Variants in CUBN observed in about 807,000 individuals in gnomAD.
CUBN encodes the protein cubilin.
In CUBN, 282 loss-of-function variants were observed where a neutral mutation model predicts 405.3. The ratio of observed to expected loss-of-function variants is 0.70; its 90% CI spans 0.63 to 0.77. The LOEUF (loss-of-function observed/expected upper bound fraction) is 0.77. CUBN is among the 30% of genes least tolerant of loss of function. CUBN has a pLI of 0.00. For missense variants in CUBN, 4,514 were observed against 4,475.2 expected (o/e 1.01, Z -0.25); for synonymous variants, 1,684 against 1,617.0 (o/e 1.04, Z -0.99).
At chr10:17,107,549 G>C (rs1836664629) in intron 10 of CUBN, among the ~76,000 whole-genome samples, 1 of 147,906 alleles carries the variant, frequency 6.8e-6, no homozygotes, top group Admixed American at 6.8e-5. Context: ...CCAGGCTGGA[G>C]TGCAGTGGTG....
In CUBN at chr10:16,988,124, G is replaced by A. The variant is rs145510990; in HGVS notation, c.4350+2210C>T. Among the ~76,000 whole-genome samples the A allele has an allele frequency of 2.2e-3, 342 of 152,228 alleles. 3 individuals carry two copies. The highest frequency in any genetic ancestry group is 7.5e-3 in the African/African-American group (312 of 41,534). The stretch of plus-strand genomic sequence containing the variant: ...ACAGCCCCTGTCTCTACTTTCTCCC[G>A]TAATGGGTATGACACAACCCGAAAC... On this transcript the variant is annotated intron_variant, in intron 29 of 66. Transcript: ENST00000377833.
At position 16,950,027 on chromosome 10, in the gene CUBN, C is replaced by T. The variant is rs764100019; in HGVS notation, c.5054G>A (p.Gly1685Asp). The T allele has an allele frequency of 1.9e-6, 3 of 1,613,786 alleles. No homozygotes were observed. The South Asian group carries it at 3.3e-5, about 18-fold the overall frequency. Residue 1685 changes from glycine (G) to aspartate (D), a missense_variant, in exon 34 of 67, where the codon GGC (glycine) becomes GAC (aspartate). Gly to Asp is a moderately conservative substitution (Grantham distance 94, BLOSUM62 -1). Transcript: ENST00000377833. ...TCGGAGGGGCGCGTCTTCGTGGCCG[C>T]CATCCAAAATTTCTACAAAGTCACG... ...CARDFVEILD[G>D]GHEDAPLRGR...
At chr10:16,949,612 T>C (rs576786781) in intron 34 of CUBN, among the ~76,000 whole-genome samples, 2 of 152,124 alleles carry the variant, frequency 1.3e-5, no homozygotes, top group Non-Finnish European at 2.9e-5. Context: ...GCTTTTTTTT[T>C]CGCTTCCACT....
intron 55 of CUBN, among the ~76,000 whole-genome samples, chr10:16,888,891 A>C (rs371234691): frequency 1.3e-5 from 2 of 152,228 alleles, no homozygotes; most frequent in Admixed American, 1.3e-4. Context: ...GTTCATGCAG[A>C]TAAAGAAATA....
chr10:16,898,942 C>T lies in CUBN; in HGVS notation c.8598+54G>A, dbSNP rs912199032. ...GACAATGAATCATTTCTAGCTTAAA[C>T]ACTAATGTTCACAAAACCAACTTGG... On this transcript the variant is annotated intron_variant, in intron 54 of 66. Transcript: ENST00000377833. 3 of 1,261,660 alleles carry T rather than the reference C, an allele frequency of 2.4e-6. No individual in the cohort carries two copies. The African/African-American group carries it at 4.4e-5, about 19-fold the overall frequency. The allele number at this position is 1,261,660 out of a possible 1,614,324, so 78.2% of individuals were successfully genotyped here. A position where few individuals can be genotyped will look rare whatever the true frequency, so the allele number is the denominator to read the frequency against.
intron 59 of CUBN, among the ~76,000 whole-genome samples, chr10:16,859,350 T>C (rs1356526721): frequency 6.6e-6 from 1 of 152,154 alleles, no homozygotes; most frequent in Non-Finnish European, 1.5e-5. Context: ...AATAGATATA[T>C]AGATGACGAA....
In CUBN at chr10:17,097,719, AAATC is replaced by A. The variant is rs368684848; in HGVS notation, c.1765+2282_1765+2285del. Among the ~76,000 whole-genome samples, 1,213 of 152,338 alleles carry A rather than the reference AAATC, an allele frequency of 8.0e-3. 14 individuals carry two copies. The highest frequency in any genetic ancestry group is 0.028 in the African/African-American group (1,161 of 41,562). On this transcript the variant is annotated intron_variant, in intron 14 of 66. Transcript: ENST00000377833. Reference sequence around the variant, plus strand: ...GAATGCAAAGTTGATTCACCATTCAAAATCAATCAATTTAACTCACTATATTTAC... The same window carrying A: ...GAATGCAAAGTTGATTCACCATTCAAAATCAATTTAACTCACTATATTTAC...
intron 28 of CUBN, among the ~76,000 whole-genome samples, chr10:17,006,881 T>C (rs907197322): frequency 2.0e-5 from 3 of 152,224 alleles, no homozygotes; most frequent in African/African-American, 7.2e-5. Flanking sequence ...ATGTCATCTA[T>C]CTTCCCAAAG....
At chr10:17,065,698 G>A in intron 21 of CUBN, 60 bp from the exon 22 acceptor site, 1 of 1,600,730 alleles carries the variant, frequency 6.2e-7, no homozygotes, top group Non-Finnish European at 8.6e-7. Flanking sequence ...TGAAAATGAT[G>A]TAACAAAAAT....
chr10:16,859,278 T>C lies in CUBN; in HGVS notation c.9455-7835A>G, dbSNP rs903015483. Among the ~76,000 whole-genome samples, 38 of 151,906 alleles carry C rather than the reference T, an allele frequency of 2.5e-4. No homozygotes were observed. In the East Asian group the frequency reaches 6.6e-3, roughly 26 times the overall value. On this transcript the variant is annotated intron_variant, in intron 59 of 66. Transcript: ENST00000377833. ...ATAAAAAGCTCTCAAAACCCAACAA[T>C]AGAAAAATAAACAATTCAATTAGAA...
intron 28 of CUBN, among the ~76,000 whole-genome samples, chr10:16,999,100 A>T (rs1205994777): frequency 6.6e-6 from 1 of 152,242 alleles, no homozygotes; most frequent in East Asian, 1.9e-4. Flanking sequence ...TGGAAAACAG[A>T]TACAAGAAGC....
chr10:16,869,826 G>A lies in CUBN; in HGVS notation c.9264C>T (p.Ser3088=). ...LKFSDFDVVP[S]TSCSHDYLAI... is the part of the protein sequence containing the mutation. ...CCAGGTAGTCATGGGAGCAGGAGGTGGAGGGAACCACATCAAAATCACTGA... is the reference window on the plus strand; with the variant it reads ...CCAGGTAGTCATGGGAGCAGGAGGTAGAGGGAACCACATCAAAATCACTGA... The change falls in exon 59 of 67, where the codon TCC becomes TCT. Residue 3088 remains serine, a synonymous_variant. Coordinates refer to ENST00000377833, the MANE Select transcript of CUBN (RefSeq NM_001081.4). 1 of 1,613,518 alleles carries A rather than the reference G, an allele frequency of 6.2e-7. No homozygotes were observed. Among genetic ancestry groups the A allele is most frequent in the Non-Finnish European group, 8.5e-7 (1 of 1,179,506 alleles).
intron 36 of CUBN, among the ~76,000 whole-genome samples, chr10:16,945,437 T>C (rs1194802603): frequency 1.3e-5 from 2 of 152,120 alleles, no homozygotes; most frequent in Non-Finnish European, 2.9e-5. Context: ...GTATATAGAT[T>C]TCTTCCCATC....
intron 30 of CUBN, among the ~76,000 whole-genome samples, chr10:16,983,341 C>T (rs7902133): frequency 4.4e-4 from 67 of 151,998 alleles, no homozygotes; most frequent in African/African-American, 1.6e-3. Flanking sequence ...TATATAGATA[C>T]CTTGGTTATG....
At chr10:16,838,359 A>G (rs1282507001) in intron 62 of CUBN, among the ~76,000 whole-genome samples, 1 of 152,186 alleles carries the variant, frequency 6.6e-6, no homozygotes, top group Non-Finnish European at 1.5e-5. Context: ...ATGACATTTT[A>G]CTGGAATGAA....
intron 54 of CUBN, among the ~76,000 whole-genome samples, chr10:16,892,040 A>G (rs1053721101): frequency 1.3e-5 from 2 of 152,196 alleles, no homozygotes; most frequent in African/African-American, 2.4e-5. Context: ...CTTCTCAAGG[A>G]TATTCCTCAC....
At chr10:16,984,042 A>G in intron 30 of CUBN, 63 bp downstream of exon 30, 1 of 1,570,476 alleles carries the variant, frequency 6.4e-7, no homozygotes, top group Non-Finnish European at 8.8e-7. Context: ...TTTCCCAAGC[A>G]TTTCATGAAA....
chr10:17,064,517 G>C (rs887858489), intron 22 of CUBN, among the ~76,000 whole-genome samples: 1 of 152,092 alleles, frequency 6.6e-6, no homozygotes, highest in Admixed American at 6.5e-5. Context: ...CATGCTGCTG[G>C]GGTAATCCCA....
chr10:16,873,669 C>A (rs1252666645), intron 58 of CUBN, among the ~76,000 whole-genome samples: 1 of 150,582 alleles, frequency 6.6e-6, no homozygotes, highest in African/African-American at 2.4e-5. Context: ...TTGCAGTGAG[C>A]CGAGATTGTG....
Sources: gnomAD v4.1 joint callset for allele counts (sites outside exome capture counted in the v4.1 genomes callset) on GRCh38, gnomAD v4.1.1 for gene constraint, MANE v1.5 for transcripts, NCBI Gene and HGNC (gene_info 2026-07-23, HGNC 2026-07-21) for gene names.